CSPP1: variants seen among roughly 807,000 people sequenced by gnomAD.
CSPP1 encodes the protein centrosome and spindle pole associated protein 1.
A neutral mutation model predicts 164.4 loss-of-function variants in CSPP1; 126 were observed. That is an observed-to-expected ratio of 0.77 (90% CI 0.66 to 0.89). The LOEUF (loss-of-function observed/expected upper bound fraction) is 0.89. Among genes scored for constraint, CSPP1 ranks in the 40% least tolerant of loss-of-function variants. The pLI is 0.00. For missense variants in CSPP1, 1,395 were observed against 1,449.8 expected, an observed-to-expected ratio of 0.96 and a Z score of 0.61; for synonymous variants, 472 against 476.7, an observed-to-expected ratio of 0.99 and a Z score of 0.13.
At chr8:67,109,289 G>A (rs1816323653) in intron 9 of CSPP1, among the ~76,000 whole-genome samples, 1 of 152,082 alleles carries the variant, frequency 6.6e-6, no homozygotes, top group South Asian at 2.1e-4. Context: ...AGTTCCTAGT[G>A]GCCATCTGCT....
At position 67,093,574 on chromosome 8, in the gene CSPP1, A is replaced by T; in HGVS notation, c.416A>T (p.Tyr139Phe). 1 of 1,611,608 alleles carries T rather than the reference A, an allele frequency of 6.2e-7. No individual in the cohort carries two copies. Among genetic ancestry groups the T allele is most frequent in the Non-Finnish European group, 8.5e-7 (1 of 1,177,914 alleles). ...ERLKLERNKE[Y>F]NQFLRGKEES... ...TTGAAACTTGAACGTAACAAAGAAT[A>T]CAATCAGTTTCTCAGGGGTAAGGAA... Residue 139 changes from tyrosine to phenylalanine, a missense_variant, in exon 6 of 31, where the codon TAC becomes TTC. Transcript: ENST00000678616.
At chr8:67,136,568 C>CAAA (rs35184133) in intron 16 of CSPP1, among the ~76,000 whole-genome samples, 4 of 27,680 alleles carry the variant, frequency 1.4e-4, no homozygotes, top group Admixed American at 4.2e-4. Flanking sequence ...GACTCCGTCT[C>CAAA]AAAAAAAAAA....
chr8:67,096,343 G>A (rs1334822567), intron 7 of CSPP1, among the ~76,000 whole-genome samples: 1 of 151,966 alleles, frequency 6.6e-6, no homozygotes, highest in Non-Finnish European at 1.5e-5. Context: ...GAGGCGGGCG[G>A]ATCGCGAGGT....
chr8:67,094,119 G>GA (rs71249416), intron 6 of CSPP1, among the ~76,000 whole-genome samples: 25,346 of 29,422 alleles, frequency 0.86, 11,993 homozygotes, highest in Middle Eastern at 0.96. Flanking sequence ...GACCTGGTCT[G>GA]AAAAAAAAAA....
intron 28 of CSPP1, among the ~76,000 whole-genome samples, chr8:67,188,308 C>T (rs961388793): frequency 2.6e-5 from 4 of 152,136 alleles, no homozygotes; most frequent in African/African-American, 7.2e-5. Flanking sequence ...AAATCTAGGC[C>T]GACTAAGAAT....
At chr8:67,151,840 AG>A (rs752223883) in intron 18 of CSPP1, among the ~76,000 whole-genome samples, 5 of 152,148 alleles carry the variant, frequency 3.3e-5, no homozygotes, top group Non-Finnish European at 5.9e-5. Flanking sequence ...CTGTAATCCC[AG>A]CACTTTGGGA....
chr8:67,160,100 T>G (rs953722569), intron 21 of CSPP1, among the ~76,000 whole-genome samples: 1 of 146,138 alleles, frequency 6.8e-6, no homozygotes, highest in Non-Finnish European at 1.5e-5. Flanking sequence ...CAGGCTGATC[T>G]CAAATTTTTG....
chr8:67,150,408 GT>G (rs1249316358), intron 18 of CSPP1, among the ~76,000 whole-genome samples: 21 of 145,754 alleles, frequency 1.4e-4, no homozygotes, highest in South Asian at 4.4e-4. Context: ...AAGCAATGTT[GT>G]TTTTTTTTTT....
At chr8:67,180,316 G>T (rs939375384) in intron 28 of CSPP1, among the ~76,000 whole-genome samples, 11 of 152,122 alleles carry the variant, frequency 7.2e-5, no homozygotes, top group African/African-American at 2.4e-4. Flanking sequence ...GAAATAGTCT[G>T]AGCAAAAAAG....
At position 67,193,572 on chromosome 8, in the gene CSPP1, A is replaced by T; in HGVS notation, c.3439A>T (p.Asn1147Tyr). ...AAATGAGGAACGAATGCGAAGACTG[A>T]ATGAATTTCACAATAAACCTATTAA... Reference protein sequence around the residue: ...VRNEERMRRLNEFHNKPINTD... With the variant: ...VRNEERMRRLYEFHNKPINTD... Residue 1147 changes from asparagine (N) to tyrosine (Y), a missense_variant, in exon 30 of 31, where the codon AAT becomes TAT. Coordinates refer to ENST00000678616, the MANE Select transcript of CSPP1 (RefSeq NM_001382391.1). 1 of 1,613,744 alleles carries T rather than the reference A, an allele frequency of 6.2e-7. No homozygotes were observed. Among genetic ancestry groups the T allele is most frequent in the Non-Finnish European group, 8.5e-7 (1 of 1,179,696 alleles).
chr8:67,105,963 G>A lies in CSPP1; in HGVS notation c.1081G>A (p.Gly361Arg). The change falls in exon 9 of 31, where the codon GGG (glycine) becomes AGG (arginine). Residue 361 changes from glycine (G) to arginine (R), a missense_variant. Transcript: ENST00000678616. ...TCAAGATACCTGTAGTCCTTTTGCAGGGATGCTCTTTGGTAGGCACAAAAC... is the reference window on the plus strand; with the variant it reads ...TCAAGATACCTGTAGTCCTTTTGCAAGGATGCTCTTTGGTAGGCACAAAAC... ...ANQDTCSPFA[G>R]MLFGGEDREL... 6.3e-7 allele frequency: 1 copy of A among 1,582,216 alleles called. No homozygotes were observed.
intron 25 of CSPP1, 96 bp downstream of exon 25, chr8:67,172,651 A>G: frequency 1.9e-6 from 2 of 1,041,328 alleles, no homozygotes; most frequent in Non-Finnish European, 2.7e-6. Context: ...CTAAAGTGGA[A>G]TTTTATCTAT....
rs1332248754 is a variant in CSPP1 at position 67,083,548 on chromosome 8, A to AAAATAT, written c.200-2458_200-2457insAATATA. The AAAATAT allele has an allele frequency of 1.4e-3, 126 of 91,456 alleles. 1 individual carries two copies. Among genetic ancestry groups the AAAATAT allele is most frequent in the East Asian group, 3.1e-3 (9 of 2,888 alleles). 5.7% of individuals were successfully genotyped at this position (91,456 alleles called of 1,614,324 possible). ...CTTTGTCTCAAAAAAAAAAAAAAAA[A>AAAATAT]ATATATATATATATATATATATATA... On this transcript the variant is annotated intron_variant, in intron 3 of 30. Coordinates refer to ENST00000678616, the MANE Select transcript of CSPP1 (RefSeq NM_001382391.1).
chr8:67,105,064 C>T (rs1434204429), intron 8 of CSPP1, among the ~76,000 whole-genome samples: 2 of 120,226 alleles, frequency 1.7e-5, no homozygotes, highest in Non-Finnish European at 3.2e-5. Context: ...CTTGTTCTGT[C>T]ACCCGGGCTG....
In CSPP1 at chr8:67,074,304, G is replaced by A. The variant is rs770271054; in HGVS notation, c.52G>A (p.Glu18Lys). Residue 18 changes from glutamate to lysine, a missense_variant, in exon 2 of 31, where the codon GAA becomes AAA. Transcript: ENST00000678616. ...TGAAGAGCAAAAAGCCAGATTGGCC[G>A]AAGACAAAGCAGAGTTGGAAAGTGA... ...FIEEQKARLA[E>K]DKAELESDPP... 61 of 1,610,938 alleles carry A rather than the reference G, an allele frequency of 3.8e-5. No homozygotes were observed. The highest frequency in any genetic ancestry group is 4.6e-5 in the Non-Finnish European group (54 of 1,178,456).
chr8:67,172,154 ATTTTTTTT>A (rs540548645), intron 24 of CSPP1, among the ~76,000 whole-genome samples: 9 of 124,878 alleles, frequency 7.2e-5, no homozygotes, highest in Admixed American at 1.7e-4. Flanking sequence ...TGGCCTCATA[ATTTTTTTT>A]TTTTTTTTTT....
chr8:67,142,191 C>CT (rs1823648631), intron 17 of CSPP1, among the ~76,000 whole-genome samples: 1 of 151,916 alleles, frequency 6.6e-6, no homozygotes, highest in African/African-American at 2.4e-5. Context: ...TATTAAAGTT[C>CT]TTTATTCAGG....
intron 12 of CSPP1, chr8:67,114,616 G>A (rs1310657464): frequency 6.6e-6 from 1 of 152,148 alleles, no homozygotes; most frequent in Non-Finnish European, 1.5e-5. Flanking sequence ...TATTGCACCA[G>A]CATCACTCGC....
chr8:67,075,113 G>C (rs553928020), intron 2 of CSPP1, among the ~76,000 whole-genome samples: 2 of 152,236 alleles, frequency 1.3e-5, no homozygotes, highest in African/African-American at 4.8e-5. Flanking sequence ...TGTCTTAAAG[G>C]CTTTCTTAAA....
Sources: gnomAD v4.1 joint callset for allele counts (sites outside exome capture counted in the v4.1 genomes callset) on GRCh38, gnomAD v4.1.1 for gene constraint, MANE v1.5 for transcripts, NCBI Gene and HGNC (gene_info 2026-07-23, HGNC 2026-07-21) for gene names.